Variants in PARVA observed in about 807,000 individuals in gnomAD.
PARVA encodes the protein parvin alpha.
Under a neutral mutation model 52.6 loss-of-function variants are expected in PARVA, and 25 were observed. The ratio of observed to expected loss-of-function variants is 0.48; its 90% CI spans 0.35 to 0.66. PARVA has a LOEUF of 0.66. Ranked by LOEUF, PARVA falls within the 30% of genes least tolerant of loss-of-function variation. The pLI, the probability that PARVA is intolerant of heterozygous loss-of-function variation, is 0.01. For synonymous variants in PARVA, 185 were observed against 179.1 expected, an observed-to-expected ratio of 1.03 and a Z score of -0.26; for missense variants, 373 against 450.9, an observed-to-expected ratio of 0.83 and a Z score of 1.56.
rs764378168 is a variant in PARVA, at chr11:12,529,526, C to G, written c.*1601C>G. 5 of 152,172 alleles carry G rather than the reference C, an allele frequency of 3.3e-5. No homozygotes were observed. Among genetic ancestry groups the G allele is most frequent in the Non-Finnish European group, 5.9e-5 (4 of 68,040 alleles). The allele number at this position is 152,172 out of a possible 1,614,324, so 9.4% of individuals were successfully genotyped here. On this transcript the variant is annotated 3_prime_UTR_variant, in exon 13 of 13. Coordinates refer to ENST00000334956, the MANE Select transcript of PARVA (RefSeq NM_018222.5). ...TAAATATGCCAGGTAGACACCAGCC[C>G]AAGTACCCTCCTCCAGAAGTCTGTG...
At chr11:12,510,039 CCT>C (rs1941486649) in intron 7 of PARVA, among the ~76,000 whole-genome samples, 1 of 152,104 alleles carries the variant, frequency 6.6e-6, no homozygotes, top group Non-Finnish European at 1.5e-5. Flanking sequence ...TTCTATGGTC[CCT>C]CTCTCTGCCA....
intron 7 of PARVA, among the ~76,000 whole-genome samples, chr11:12,509,779 T>C (rs373936473): frequency 1.6e-4 from 24 of 152,284 alleles, no homozygotes; most frequent in African/African-American, 5.5e-4. Context: ...AAGGGTCAAC[T>C]GATCTATAGG....
chr11:12,452,113 A>G (rs771533330), intron 1 of PARVA, among the ~76,000 whole-genome samples: 1 of 151,962 alleles, frequency 6.6e-6, no homozygotes, highest in Non-Finnish European at 1.5e-5. Flanking sequence ...TGAGCAATCC[A>G]TTTAGCCCAG....
intron 1 of PARVA, among the ~76,000 whole-genome samples, chr11:12,413,779 C>G (rs1940025522): frequency 1.3e-5 from 2 of 152,220 alleles, no homozygotes; most frequent in African/African-American, 4.8e-5. Flanking sequence ...GGATTCTAAA[C>G]AGCAGAGCCC....
At chr11:12,490,947 A>G (rs1038727420) in intron 4 of PARVA, among the ~76,000 whole-genome samples, 1 of 152,176 alleles carries the variant, frequency 6.6e-6, no homozygotes, top group Non-Finnish European at 1.5e-5. Flanking sequence ...GAAACAGAGT[A>G]TATAACCTCC....
chr11:12,414,412 G>A (rs144005833), intron 1 of PARVA, among the ~76,000 whole-genome samples: 1 of 152,280 alleles, frequency 6.6e-6, no homozygotes, highest in East Asian at 1.9e-4. Context: ...AAATGCCTTC[G>A]CTTTTGCTTC....
rs903876886 is a variant in PARVA at position 12,525,420 on chromosome 11, C to A, written c.1043-2429C>A. ...AATGGTTTGGAAAGGGTAAGGGGAG[C>A]TTATTAGGAGCCTGTTGCAGGAGCT... On this transcript the variant is annotated intron_variant, in intron 12 of 12. Coordinates refer to ENST00000334956, the MANE Select transcript of PARVA (RefSeq NM_018222.5). 9.2e-5 allele frequency among the ~76,000 whole-genome samples: 14 copies of A among 152,220 alleles called. No individual in the cohort carries two copies. The East Asian group carries it at 1.5e-3, about 17-fold the overall frequency.
chr11:12,443,804 G>A (rs753950822), intron 1 of PARVA, among the ~76,000 whole-genome samples: 5 of 152,158 alleles, frequency 3.3e-5, no homozygotes, highest in Non-Finnish European at 4.4e-5. Context: ...GCTGATTCCT[G>A]CTCTGAAGAC....
At chr11:12,457,372 T>A (rs574093340) in intron 1 of PARVA, among the ~76,000 whole-genome samples, 76 of 152,370 alleles carry the variant, frequency 5.0e-4, no homozygotes, top group African/African-American at 1.7e-3. Context: ...CTGTTTCCAA[T>A]GCAGTAGTCC....
chr11:12,480,535 G>C (rs1370724657), intron 4 of PARVA: 1 of 152,164 alleles, frequency 6.6e-6, no homozygotes, highest in African/African-American at 2.4e-5. Flanking sequence ...TGGCCACAGA[G>C]TAATGGAACA....
At chr11:12,509,697 G>T (rs547141571) in intron 7 of PARVA, among the ~76,000 whole-genome samples, 2 of 152,196 alleles carry the variant, frequency 1.3e-5, no homozygotes, top group African/African-American at 4.8e-5. Flanking sequence ...TTCCCAAGAT[G>T]CCCTGTTTAT....
chr11:12,404,421 CA>C, intron 1 of PARVA, among the ~76,000 whole-genome samples: 1 of 152,272 alleles, frequency 6.6e-6, no homozygotes, highest in African/African-American at 2.4e-5. Flanking sequence ...TAAAGGGATT[CA>C]AGAGTGCGCT....
At chr11:12,415,454 C>G (rs556609585) in intron 1 of PARVA, among the ~76,000 whole-genome samples, 71 of 151,954 alleles carry the variant, frequency 4.7e-4, no homozygotes, top group African/African-American at 1.6e-3. Flanking sequence ...TCCCCTCCCC[C>G]ACCCCAACAT....
intron 12 of PARVA, among the ~76,000 whole-genome samples, chr11:12,525,956 C>T (rs771174360): frequency 3.9e-5 from 6 of 152,030 alleles, no homozygotes; most frequent in Non-Finnish European, 8.8e-5. Context: ...AGCCCTGGGC[C>T]CTAGGCCTGG....
In PARVA at chr11:12,475,367, C is replaced by A. The variant is rs148974872; in HGVS notation, c.297+1384C>A. Among the ~76,000 whole-genome samples, 3 of 152,208 alleles carry A rather than the reference C, an allele frequency of 2.0e-5. No individual in the cohort carries two copies. The East Asian group carries it at 5.8e-4, about 29-fold the overall frequency. ...ATAACCCTATCCTTAGTTCTGTTGT[C>A]GTCTCCACGTAATATTATAGCTTCT... On this transcript the variant is annotated intron_variant, in intron 3 of 12. Transcript: ENST00000334956.
chr11:12,452,565 T>C (rs1940637863), intron 1 of PARVA, among the ~76,000 whole-genome samples: 1 of 152,176 alleles, frequency 6.6e-6, no homozygotes, highest in Non-Finnish European at 1.5e-5. Context: ...CCCCATGACC[T>C]TGAGTCTGTG....
At position 12,402,891 on chromosome 11, in the gene PARVA, A is replaced by G. The variant is rs545496976; in HGVS notation, c.136+25108A>G. On this transcript the variant is annotated intron_variant, in intron 1 of 12. Transcript: ENST00000334956. Reference sequence around the variant, plus strand: ...GGTTGAGTCTCCATTCTGGGCCTCAACCGAGTCTCAGAAATCCAAATACAT... The same window carrying G: ...GGTTGAGTCTCCATTCTGGGCCTCAGCCGAGTCTCAGAAATCCAAATACAT... Among the ~76,000 whole-genome samples the G allele has an allele frequency of 2.0e-5, 3 of 152,286 alleles. No individual in the cohort carries two copies. In the East Asian group the frequency reaches 5.8e-4, roughly 29 times the overall value.
intron 9 of PARVA, chr11:12,513,766 C>G: frequency 1.7e-6 from 1 of 594,772 alleles, no homozygotes; most frequent in South Asian, 2.0e-5. Context: ...CTCTTGGGAC[C>G]TCCTTGTTCC....
chr11:12,474,727 A>G (rs1940984713), intron 3 of PARVA, among the ~76,000 whole-genome samples: 1 of 152,094 alleles, frequency 6.6e-6, no homozygotes, highest in Admixed American at 6.6e-5. Context: ...CAACAGGGTG[A>G]AACACCATCT....
Sources: allele counts gnomAD v4.1 joint callset (sites outside exome capture counted in the v4.1 genomes callset), GRCh38; gene constraint gnomAD v4.1.1; transcripts MANE v1.5; gene names NCBI Gene and HGNC (gene_info 2026-07-23, HGNC 2026-07-21).